Variants in NFIB observed in about 807,000 individuals in gnomAD.
The protein encoded by NFIB is nuclear factor I B, also known as nuclear factor 1 B-type.
Under a neutral mutation model 61.5 loss-of-function variants are expected in NFIB, and 11 were observed. The ratio of observed to expected loss-of-function variants is 0.18; its 90% CI spans 0.11 to 0.30. The LOEUF is 0.30. NFIB is among the 10% of genes least tolerant of loss of function. NFIB has a pLI of 1.00. For missense variants in NFIB, 471 were observed against 608.9 expected (o/e 0.77, Z 2.38); for synonymous variants, 260 against 216.5 (o/e 1.20, Z -1.76).
chr9:14,456,743 T>C, the NFIB span, among the ~76,000 whole-genome samples: 1 of 152,138 alleles, frequency 6.6e-6, no homozygotes, highest in Non-Finnish European at 1.5e-5. Context: ...CCGGTAGGGG[T>C]ACAAATTGCT....
the NFIB span, among the ~76,000 whole-genome samples, chr9:14,522,564 T>C: frequency 7.2e-5 from 11 of 152,160 alleles, no homozygotes; most frequent in Non-Finnish European, 1.5e-4. Flanking sequence ...GAGGAAATAC[T>C]AGAGAAGGTG....
At chr9:14,424,280 G>C in the NFIB span, among the ~76,000 whole-genome samples, 2 of 152,132 alleles carry the variant, frequency 1.3e-5, no homozygotes, top group African/African-American at 2.4e-5. Flanking sequence ...GATGATTCTG[G>C]GGACAAAGGA....
At chr9:14,433,965 G>A in the NFIB span, among the ~76,000 whole-genome samples, 2 of 152,156 alleles carry the variant, frequency 1.3e-5, no homozygotes, top group African/African-American at 2.4e-5. Flanking sequence ...TCGAACCGAG[G>A]TTGCTGCGGC....
chr9:14,471,361 C>G, the NFIB span, among the ~76,000 whole-genome samples: 2 of 152,188 alleles, frequency 1.3e-5, no homozygotes, highest in African/African-American at 4.8e-5. Flanking sequence ...TTGTCCTGTG[C>G]CTGAGCTTAT....
chr9:14,415,432 C>T, the NFIB span, among the ~76,000 whole-genome samples: 1 of 152,162 alleles, frequency 6.6e-6, no homozygotes, highest in Non-Finnish European at 1.5e-5. Flanking sequence ...ATCACCTTTA[C>T]AATATTCTAT....
intron 1 of NFIB, among the ~76,000 whole-genome samples, chr9:14,359,084 G>A (rs1353494303): frequency 6.6e-6 from 1 of 152,166 alleles, no homozygotes; most frequent in Non-Finnish European, 1.5e-5. Flanking sequence ...GGCCATGGTA[G>A]CAGCGTTTAC....
chr9:14,426,301 C>T, the NFIB span, among the ~76,000 whole-genome samples: 7 of 152,188 alleles, frequency 4.6e-5, no homozygotes, highest in Non-Finnish European at 8.8e-5. Flanking sequence ...CTCTACAGGC[C>T]AGATGCAGGT....
the NFIB span, among the ~76,000 whole-genome samples, chr9:14,477,971 T>C: frequency 1.3e-5 from 2 of 152,018 alleles, no homozygotes; most frequent in African/African-American, 4.8e-5. Flanking sequence ...CACCCCCCAT[T>C]CTATGCCCTG....
intron 1 of NFIB, among the ~76,000 whole-genome samples, chr9:14,341,849 C>A (rs965671385): frequency 5.9e-5 from 9 of 151,756 alleles, no homozygotes; most frequent in Non-Finnish European, 2.9e-5. Flanking sequence ...ACAGGCATCT[C>A]CATCAGTGAG....
intron 3 of NFIB, among the ~76,000 whole-genome samples, chr9:14,176,343 C>T (rs1252381475): frequency 6.6e-6 from 1 of 151,538 alleles, no homozygotes; most frequent in Non-Finnish European, 1.5e-5. Context: ...AATGTGTATC[C>T]CTAGAAAAAT....
chr9:14,497,128 A>C, the NFIB span, among the ~76,000 whole-genome samples: 1 of 152,360 alleles, frequency 6.6e-6, no homozygotes, highest in South Asian at 2.1e-4. Context: ...CTATAGAAAG[A>C]TAATTTGAGG....
chr9:14,153,708 G>C (rs1455905163), intron 4 of NFIB, among the ~76,000 whole-genome samples: 1 of 152,060 alleles, frequency 6.6e-6, no homozygotes, highest in Admixed American at 6.6e-5. Context: ...AACCCTAGAG[G>C]ACTGAAAGCA....
upstream of NFIB, among the ~76,000 whole-genome samples, chr9:14,401,713 T>C (rs563239175): frequency 4.1e-4 from 62 of 152,346 alleles, no homozygotes; most frequent in African/African-American, 1.4e-3. Flanking sequence ...GAGTACTTTT[T>C]GGGCCTCCCA....
rs1429917375 is a variant in NFIB at position 14,103,420 on chromosome 9, T to C, written c.1467+9579A>G. 2.6e-5 allele frequency among the ~76,000 whole-genome samples: 4 copies of C among 152,156 alleles called. No individual in the cohort carries two copies. The East Asian group carries it at 5.8e-4, about 22-fold the overall frequency. ...CACTGTAAATTAACAGCATCTTACA[T>C]TGAAAAGATGACTTCTTCACAGTAA... On this transcript the variant is annotated intron_variant, in intron 10 of 10. Transcript: ENST00000380953.
At chr9:14,127,753 G>A (rs1374298380) in intron 6 of NFIB, among the ~76,000 whole-genome samples, 4 of 151,956 alleles carry the variant, frequency 2.6e-5, no homozygotes, top group African/African-American at 9.7e-5. Flanking sequence ...AATTAAATAT[G>A]CATTTTCAGC....
At chr9:14,175,163 ATTTCTT>A (rs2046029951) in intron 3 of NFIB, among the ~76,000 whole-genome samples, 2 of 102,106 alleles carry the variant, frequency 2.0e-5, no homozygotes, top group East Asian at 2.7e-4. Flanking sequence ...GACTTAAAGA[ATTTCTT>A]TTTTTTTTTT....
intron 1 of NFIB, among the ~76,000 whole-genome samples, chr9:14,348,910 C>CA (rs922231561): frequency 5.3e-5 from 8 of 152,310 alleles, no homozygotes; most frequent in East Asian, 1.9e-4. Context: ...ACATTAAAAA[C>CA]AAAAAAACCT....
At chr9:14,499,067 GGTGT>G in the NFIB span, among the ~76,000 whole-genome samples, 184 of 151,390 alleles carry the variant, frequency 1.2e-3, 2 homozygotes, top group East Asian at 0.03. Context: ...TGCGTGTGTG[GGTGT>G]GTGTGTTTGT....
chr9:14,394,829 T>C (rs1445646028), intron 1 of NFIB, among the ~76,000 whole-genome samples: 1 of 152,214 alleles, frequency 6.6e-6, no homozygotes, highest in Non-Finnish European at 1.5e-5. Context: ...CTGCCTTCTC[T>C]GTACAATAGT....
Sources: gnomAD v4.1 joint callset for allele counts (sites outside exome capture counted in the v4.1 genomes callset) on GRCh38, gnomAD v4.1.1 for gene constraint, MANE v1.5 for transcripts, NCBI Gene and HGNC (gene_info 2026-07-23, HGNC 2026-07-21) for gene names.